The following CCDC141 variants were observed in gnomAD, a reference collection of about 807,000 sequenced individuals.
The protein encoded by CCDC141 is coiled-coil domain-containing protein 141.
In CCDC141, 168 loss-of-function variants were observed where a neutral mutation model predicts 181.0. The ratio of observed to expected loss-of-function variants is 0.93; its 90% CI spans 0.82 to 1.05. The LOEUF (loss-of-function observed/expected upper bound fraction) is 1.05. Among genes scored for constraint, CCDC141 ranks in the 50% least tolerant of loss-of-function variants. CCDC141 has a pLI of 0.00. For missense variants in CCDC141, 1,902 were observed against 1,788.5 expected, an observed-to-expected ratio of 1.06 and a Z score of -1.14; for synonymous variants, 666 against 642.3, an observed-to-expected ratio of 1.04 and a Z score of -0.56.
chr2:178,898,043 T>C lies in CCDC141; in HGVS notation c.1265+7286A>G, dbSNP rs543502056. Reference sequence around the variant, plus strand: ...ATAAGTCTAAGTTTGGCCATTTCTATGATTTAAGTATGGTTTGTGCTCACC... The same window carrying C: ...ATAAGTCTAAGTTTGGCCATTTCTACGATTTAAGTATGGTTTGTGCTCACC... On this transcript the variant is annotated intron_variant, in intron 8 of 23. Transcript: ENST00000443758. Among the ~76,000 whole-genome samples, 15 of 152,306 alleles carry C rather than the reference T, an allele frequency of 9.8e-5. No homozygotes were observed. The East Asian group carries it at 2.9e-3, about 29-fold the overall frequency.
At chr2:178,846,981 C>T (rs1165188825) in intron 21 of CCDC141, among the ~76,000 whole-genome samples, 6 of 152,146 alleles carry the variant, frequency 3.9e-5, no homozygotes, top group Admixed American at 2.0e-4. Context: ...TATTTAATAA[C>T]ATAAAAAATA....
intron 10 of CCDC141, among the ~76,000 whole-genome samples, 165 bp from the exon 11 acceptor site, chr2:178,885,257 A>AG (rs1686827181): frequency 6.6e-6 from 1 of 152,006 alleles, no homozygotes; most frequent in African/African-American, 2.4e-5. Context: ...AAAAAAAAAA[A>AG]AGGGCACTTT....
At chr2:179,007,619 G>T (rs1278291636) in intron 2 of CCDC141, among the ~76,000 whole-genome samples, 1 of 152,066 alleles carries the variant, frequency 6.6e-6, no homozygotes, top group Non-Finnish European at 1.5e-5. Flanking sequence ...TTTTAAATGG[G>T]TGAGGGTCAG....
intron 22 of CCDC141, among the ~76,000 whole-genome samples, chr2:178,842,251 G>A (rs1339500048): frequency 6.6e-6 from 1 of 152,142 alleles, no homozygotes; most frequent in African/African-American, 2.4e-5. Flanking sequence ...ATCAAATTGA[G>A]AGGCTGATCT....
At chr2:179,027,583 C>T (rs1052408867) in intron 2 of CCDC141, among the ~76,000 whole-genome samples, 23 of 127,698 alleles carry the variant, frequency 1.8e-4, no homozygotes, top group African/African-American at 6.3e-4. Context: ...AGGTGGAGGT[C>T]GCAGTGAGCC....
intron 2 of CCDC141, among the ~76,000 whole-genome samples, chr2:179,013,750 G>A (rs1394940894): frequency 2.0e-5 from 3 of 151,770 alleles, no homozygotes; most frequent in Non-Finnish European, 2.9e-5. Context: ...GGTGGATCAC[G>A]AGGTCAGGAG....
intron 2 of CCDC141, among the ~76,000 whole-genome samples, chr2:179,015,519 A>T (rs373876757): frequency 4.0e-4 from 40 of 101,086 alleles, no homozygotes; most frequent in East Asian, 1.0e-3. Context: ...TATATGTATC[A>T]CATATATCTC....
At chr2:178,948,513 A>C (rs1048275035) in intron 5 of CCDC141, among the ~76,000 whole-genome samples, 3 of 152,172 alleles carry the variant, frequency 2.0e-5, no homozygotes, top group African/African-American at 7.2e-5. Context: ...ATCAGTTGGT[A>C]GCATTTATGA....
rs761715566 is a variant in CCDC141, at chr2:178,837,303, C to T, written c.3916G>A (p.Val1306Met). The T allele has an allele frequency of 2.5e-5, 40 of 1,613,948 alleles. No homozygotes were observed. The highest frequency in any genetic ancestry group is 2.8e-5 in the Non-Finnish European group (33 of 1,179,992). Reference protein sequence around the residue: ...AEPPLTSRGFVEKSTALHRIS... With the variant: ...AEPPLTSRGFMEKSTALHRIS... Reference sequence around the variant, plus strand: ...CTGTGTAAGGCAGTACTCTTTTCCACGAATCCTCTGGAGGTTAGTGGGGGC... The same window carrying T: ...CTGTGTAAGGCAGTACTCTTTTCCATGAATCCTCTGGAGGTTAGTGGGGGC... Residue 1306 changes from valine to methionine, a missense_variant, in exon 23 of 24, where the codon GTG (valine) becomes ATG (methionine). Val to Met is a conservative substitution (Grantham distance 21, BLOSUM62 1). Coordinates refer to ENST00000443758, the MANE Select transcript of CCDC141 (RefSeq NM_173648.4).
At chr2:178,882,291 C>T (rs1575165469) in intron 11 of CCDC141, among the ~76,000 whole-genome samples, 1 of 152,046 alleles carries the variant, frequency 6.6e-6, no homozygotes, top group Non-Finnish European at 1.5e-5. Context: ...ATCACTTGAA[C>T]CTGGAAGGTA....
intron 2 of CCDC141, among the ~76,000 whole-genome samples, chr2:179,021,644 A>C (rs768664762): frequency 3.3e-5 from 5 of 152,212 alleles, no homozygotes; most frequent in Admixed American, 2.0e-4. Context: ...TGACATACAC[A>C]GTAACAGAAA....
chr2:178,942,577 CATTCAATACATAT>C (rs1201949387), intron 6 of CCDC141, among the ~76,000 whole-genome samples: 1 of 152,172 alleles, frequency 6.6e-6, no homozygotes, highest in Non-Finnish European at 1.5e-5. Context: ...GATGTTCAAT[CATTCAATACATAT>C]CATCATACAT....
chr2:178,909,473 A>G (rs1688125802), intron 7 of CCDC141, among the ~76,000 whole-genome samples: 3 of 152,238 alleles, frequency 2.0e-5, no homozygotes, highest in Admixed American at 6.5e-5. Context: ...AACCCGTAAT[A>G]GGAATAATCT....
chr2:178,819,057 T>C, the CCDC141 span, among the ~76,000 whole-genome samples: 2 of 152,308 alleles, frequency 1.3e-5, no homozygotes, highest in Non-Finnish European at 2.9e-5. Context: ...GGGATCTGTC[T>C]GAGTAAGAGT....
intron 9 of CCDC141, among the ~76,000 whole-genome samples, chr2:178,887,172 C>G (rs562945196): frequency 6.6e-6 from 1 of 152,112 alleles, no homozygotes; most frequent in East Asian, 1.9e-4. Flanking sequence ...TCTATATTAC[C>G]TATGAAGGAT....
At chr2:179,012,867 C>T (rs2042309635) in intron 2 of CCDC141, among the ~76,000 whole-genome samples, 1 of 152,138 alleles carries the variant, frequency 6.6e-6, no homozygotes, top group East Asian at 1.9e-4. Flanking sequence ...GCAAAAATCA[C>T]ATGATCATCT....
intron 2 of CCDC141, among the ~76,000 whole-genome samples, chr2:178,980,418 C>T (rs1691322529): frequency 6.6e-6 from 1 of 151,992 alleles, no homozygotes; most frequent in Non-Finnish European, 1.5e-5. Context: ...CCACTGCACT[C>T]CAGCCTGGGC....
intron 2 of CCDC141, among the ~76,000 whole-genome samples, chr2:179,039,691 T>A (rs1477976442): frequency 2.0e-5 from 3 of 151,508 alleles, no homozygotes; most frequent in Non-Finnish European, 1.5e-5. Context: ...AGGACTGGAA[T>A]AAACATTAAA....
At chr2:178,914,350 G>A (rs1344882547) in intron 7 of CCDC141, among the ~76,000 whole-genome samples, 1 of 152,170 alleles carries the variant, frequency 6.6e-6, no homozygotes, top group Non-Finnish European at 1.5e-5. Flanking sequence ...AAAAGAACAG[G>A]AAGTATATCA....
Sources: allele counts gnomAD v4.1 joint callset (sites outside exome capture counted in the v4.1 genomes callset), GRCh38; gene constraint gnomAD v4.1.1; transcripts MANE v1.5; gene names NCBI Gene and HGNC (gene_info 2026-07-23, HGNC 2026-07-21).